CEP112: variants seen among roughly 807,000 people sequenced by gnomAD.
CEP112 encodes the protein centrosomal protein 112, also known as centrosomal protein of 112 kDa.
In CEP112, 127 loss-of-function variants were observed where a neutral mutation model predicts 153.0. The ratio of observed to expected loss-of-function variants is 0.83; its 90% CI spans 0.72 to 0.96. The LOEUF (loss-of-function observed/expected upper bound fraction) is 0.96, where lower values mean the gene tolerates loss of function less well. Among genes scored for constraint, CEP112 ranks in the 40% least tolerant of loss-of-function variants. The pLI, the probability that CEP112 is intolerant of heterozygous loss-of-function variation, is 0.00. For missense variants in CEP112, 1,089 were observed against 1,101.2 expected, an observed-to-expected ratio of 0.99 and a Z score of 0.16; for synonymous variants, 358 against 374.4, an observed-to-expected ratio of 0.96 and a Z score of 0.51.
rs8078421 is a variant in CEP112 at position 65,754,299 on chromosome 17, T to G, written c.2395-3575A>C. On this transcript the variant is annotated intron_variant, in intron 21 of 26. Coordinates refer to ENST00000535342, the MANE Select transcript of CEP112 (RefSeq NM_001199165.4). ...ATGCAAAGGCCCTGAGGCAGAGGCA[T>G]GCACAGCATGTTCAAGACACAGTAT... is the stretch of plus-strand genomic sequence containing the variant. Among the ~76,000 whole-genome samples, 338 of 152,302 alleles carry G rather than the reference T, an allele frequency of 2.2e-3. 2 individuals are homozygous for G. Among genetic ancestry groups the G allele is most frequent in the African/African-American group, 7.9e-3 (329 of 41,558 alleles).
rs558697998 is a variant in CEP112 at position 65,902,876 on chromosome 17, T to C, written c.1981-542A>G. On this transcript the variant is annotated intron_variant, in intron 19 of 26. Transcript: ENST00000535342. ...TACCAACATAAACAGATGTTATGTG[T>C]TCCAGAAGGGCACCTGCTGTGCTGC... Among the ~76,000 whole-genome samples, 5 of 152,300 alleles carry C rather than the reference T, an allele frequency of 3.3e-5. No individual in the cohort carries two copies. In the South Asian group the frequency reaches 1.0e-3, roughly 32 times the overall value.
intron 10 of CEP112, among the ~76,000 whole-genome samples, chr17:66,064,550 A>G (rs1314270922): frequency 6.6e-6 from 1 of 152,186 alleles, no homozygotes; most frequent in African/African-American, 2.4e-5. Flanking sequence ...ACTTCGAGAC[A>G]GCAAAATTTT....
At chr17:65,812,568 G>A (rs751537173) in intron 21 of CEP112, among the ~76,000 whole-genome samples, 17 of 152,104 alleles carry the variant, frequency 1.1e-4, no homozygotes, top group South Asian at 6.2e-4. Context: ...AAGTCAGCCC[G>A]TTTATAATTG....
At chr17:65,899,175 G>A (rs1371727334) in intron 20 of CEP112, among the ~76,000 whole-genome samples, 2 of 152,016 alleles carry the variant, frequency 1.3e-5, no homozygotes, top group Non-Finnish European at 2.9e-5. Context: ...GAGAGACCTG[G>A]TAAATGAGAA....
At position 65,635,839 on chromosome 17, in the gene CEP112, T is replaced by G; in HGVS notation, c.*132A>C. On this transcript the variant is annotated 3_prime_UTR_variant, in exon 27 of 27. Transcript: ENST00000535342. ...AGTGTATGAATGATGCATGTTTTTATGATCTTAATTACATTTAAGGATTTA... is the reference window on the plus strand; with the variant it reads ...AGTGTATGAATGATGCATGTTTTTAGGATCTTAATTACATTTAAGGATTTA... 1.6e-5 allele frequency: 15 copies of G among 924,858 alleles called. No homozygotes were observed. The highest frequency in any genetic ancestry group is 2.2e-5 in the Non-Finnish European group (13 of 603,628). The allele number at this position is 924,858 out of a possible 1,614,324, so 57.3% of individuals were successfully genotyped here. A position where few individuals can be genotyped will look rare whatever the true frequency, so the allele number is the denominator to read the frequency against.
intron 24 of CEP112, among the ~76,000 whole-genome samples, chr17:65,641,266 T>G (rs527413635): frequency 6.6e-6 from 1 of 152,186 alleles, no homozygotes; most frequent in Non-Finnish European, 1.5e-5. Flanking sequence ...CTGAGAGAGA[T>G]GGTCCCTGTA....
At chr17:65,689,264 G>A (rs756869748) in intron 23 of CEP112, 46 bp from the exon 24 acceptor site, 5 of 1,382,656 alleles carry the variant, frequency 3.6e-6, no homozygotes, top group Non-Finnish European at 5.1e-6. Context: ...TAGCACACTT[G>A]GAAAAATAGT....
At chr17:65,795,588 G>A (rs951008449) in intron 21 of CEP112, among the ~76,000 whole-genome samples, 65 of 152,056 alleles carry the variant, frequency 4.3e-4, no homozygotes, top group African/African-American at 1.5e-3. Flanking sequence ...GAGGCAGGAG[G>A]ATCACTTGAG....
chr17:65,996,402 T>G (rs2063794778), intron 17 of CEP112, among the ~76,000 whole-genome samples: 1 of 152,144 alleles, frequency 6.6e-6, no homozygotes, highest in South Asian at 2.1e-4. Context: ...CTATGTTATA[T>G]CTATATGAAA....
intron 4 of CEP112, among the ~76,000 whole-genome samples, chr17:66,140,642 C>A (rs1484130344): frequency 6.6e-6 from 1 of 151,892 alleles, no homozygotes; most frequent in Non-Finnish European, 1.5e-5. Context: ...AAAAAGAAAT[C>A]AAGAGAGCAG....
intron 21 of CEP112, among the ~76,000 whole-genome samples, chr17:65,774,998 CTTTA>C (rs2053594294): frequency 6.6e-6 from 1 of 152,060 alleles, no homozygotes; most frequent in African/African-American, 2.4e-5. Context: ...CAAAAAGCTG[CTTTA>C]TTACAGGCTG....
intron 20 of CEP112, among the ~76,000 whole-genome samples, chr17:65,853,753 G>A (rs1034758880): frequency 2.0e-5 from 3 of 151,642 alleles, no homozygotes; most frequent in Non-Finnish European, 2.9e-5. Context: ...TTCTATTTCC[G>A]GTTCTGTGTA....
At chr17:65,793,731 C>T (rs2054737401) in intron 21 of CEP112, among the ~76,000 whole-genome samples, 1 of 152,066 alleles carries the variant, frequency 6.6e-6, no homozygotes, top group African/African-American at 2.4e-5. Flanking sequence ...AAATCTGTAC[C>T]CTCTAGGTTT....
chr17:65,980,362 T>C (rs1198841928), intron 17 of CEP112, among the ~76,000 whole-genome samples: 4 of 152,166 alleles, frequency 2.6e-5, no homozygotes, highest in African/African-American at 9.7e-5. Flanking sequence ...ATAAAGGAAA[T>C]TCAATGAGGA....
chr17:65,889,672 C>A (rs1193424495), intron 20 of CEP112, among the ~76,000 whole-genome samples: 1 of 152,116 alleles, frequency 6.6e-6, no homozygotes, highest in Non-Finnish European at 1.5e-5. Flanking sequence ...ATTCTTTAAT[C>A]TTATTTTCAA....
intron 8 of CEP112, among the ~76,000 whole-genome samples, chr17:66,082,092 C>T (rs1012471763): frequency 2.0e-5 from 3 of 152,126 alleles, no homozygotes; most frequent in East Asian, 1.9e-4. Flanking sequence ...ATAAATCTTT[C>T]GCCTTTTACC....
chr17:65,716,007 G>T (rs2144778046), intron 23 of CEP112, among the ~76,000 whole-genome samples: 1 of 152,296 alleles, frequency 6.6e-6, no homozygotes, highest in South Asian at 2.1e-4. Context: ...TTGGTTGATA[G>T]ATGTAAATAA....
intron 21 of CEP112, chr17:65,826,439 G>T: frequency 1.3e-6 from 2 of 1,545,466 alleles, no homozygotes; most frequent in East Asian, 2.3e-5. Context: ...GGGCCCAGAG[G>T]GTTAGAGTGT....
intron 23 of CEP112, among the ~76,000 whole-genome samples, chr17:65,741,356 A>G (rs1303039539): frequency 6.6e-6 from 1 of 152,072 alleles, no homozygotes; most frequent in East Asian, 1.9e-4. Flanking sequence ...TAAAAAAGAA[A>G]TGTCATTTAC....
Sources: gnomAD v4.1 joint callset for allele counts (sites outside exome capture counted in the v4.1 genomes callset) on GRCh38, gnomAD v4.1.1 for gene constraint, MANE v1.5 for transcripts, NCBI Gene and HGNC (gene_info 2026-07-23, HGNC 2026-07-21) for gene names.